MYO3B: variants seen among roughly 807,000 people sequenced by gnomAD.
MYO3B encodes myosin IIIB, also known as myosin-IIIb.
Under a neutral mutation model 174.6 loss-of-function variants are expected in MYO3B, and 156 were observed. The observed-to-expected ratio is 0.89, with a 90% confidence interval of 0.78 to 1.02. MYO3B has a LOEUF of 1.02. Among genes scored for constraint, MYO3B ranks in the 50% least tolerant of loss-of-function variants. The probability of loss-of-function intolerance (pLI) is 0.00; values close to 1 mark genes in which losing one functional copy is unlikely to be tolerated. For missense variants in MYO3B, 1,632 were observed against 1,639.4 expected (o/e 1.00, Z 0.08); for synonymous variants, 563 against 569.1 (o/e 0.99, Z 0.15).
At chr2:170,630,271 G>T (rs1334822746) in intron 32 of MYO3B, among the ~76,000 whole-genome samples, 1 of 152,204 alleles carries the variant, frequency 6.6e-6, no homozygotes, top group African/African-American at 2.4e-5. Context: ...ACTTGGCGCA[G>T]TGGGTCCCAC....
At chr2:170,252,492 T>C (rs368441410) in intron 7 of MYO3B, among the ~76,000 whole-genome samples, 1 of 152,210 alleles carries the variant, frequency 6.6e-6, no homozygotes, top group African/African-American at 2.4e-5. Flanking sequence ...GGACTATAAG[T>C]TGATGCTTGG....
At chr2:170,350,821 T>C (rs1228417169) in intron 8 of MYO3B, 3 of 152,184 alleles carry the variant, frequency 2.0e-5, no homozygotes, top group Admixed American at 6.5e-5. Flanking sequence ...AAAAATGATT[T>C]AGGATGGTAG....
At chr2:170,478,988 C>T (rs1419582408) in intron 25 of MYO3B, among the ~76,000 whole-genome samples, 1 of 149,484 alleles carries the variant, frequency 6.7e-6, no homozygotes, top group African/African-American at 2.5e-5. Context: ...AACCTATATA[C>T]AAATATATAT....
At chr2:170,268,406 G>C (rs2093400408) in intron 7 of MYO3B, among the ~76,000 whole-genome samples, 1 of 152,194 alleles carries the variant, frequency 6.6e-6, no homozygotes, top group Non-Finnish European at 1.5e-5. Context: ...TTGACCTAGA[G>C]AATCCAATTG....
At chr2:170,301,919 C>G (rs2093668420) in intron 7 of MYO3B, among the ~76,000 whole-genome samples, 1 of 131,216 alleles carries the variant, frequency 7.6e-6, no homozygotes, top group East Asian at 2.4e-4. Flanking sequence ...GATTTTCCTT[C>G]TCAGTCACTG....
chr2:170,393,348 T>C (rs923428618), intron 16 of MYO3B, among the ~76,000 whole-genome samples: 10 of 151,972 alleles, frequency 6.6e-5, no homozygotes. Context: ...CCTCCCAAAG[T>C]GCTGGGATTA....
chr2:170,272,524 A>G (rs900656570), intron 7 of MYO3B, among the ~76,000 whole-genome samples: 2 of 152,168 alleles, frequency 1.3e-5, no homozygotes, highest in African/African-American at 4.8e-5. Flanking sequence ...TTACTCACCC[A>G]CAAGGAGTAG....
intron 22 of MYO3B, among the ~76,000 whole-genome samples, chr2:170,440,796 T>TG (rs1237856926): frequency 2.1e-5 from 3 of 143,902 alleles, no homozygotes; most frequent in African/African-American, 7.9e-5. Flanking sequence ...TTTTGGGTGT[T>TG]GGTTTTTTTT....
intron 19 of MYO3B, among the ~76,000 whole-genome samples, chr2:170,403,308 G>A (rs910193085): frequency 3.5e-4 from 53 of 152,176 alleles, no homozygotes; most frequent in African/African-American, 1.1e-3. Flanking sequence ...TTATGATTGC[G>A]TTCAAAATGA....
At chr2:170,178,356 G>T in intron 1 of MYO3B, 67 bp downstream of exon 1, 1 of 1,605,786 alleles carries the variant, frequency 6.2e-7, no homozygotes. Context: ...TCTGCAAAGG[G>T]CAGATGCAGC....
chr2:170,222,148 A>G (rs1269363698), intron 6 of MYO3B, among the ~76,000 whole-genome samples: 1 of 152,190 alleles, frequency 6.6e-6, no homozygotes, highest in Non-Finnish European at 1.5e-5. Context: ...TGCAAGCTGC[A>G]TGGCTTCATT....
rs144992267 is a variant in MYO3B, at chr2:170,515,004, G to A, written c.3454G>A (p.Glu1152Lys). ...RGSAEVQDCS[E>K]PGDHKVLRGS... ...AAGTGCCGAGGTTCAAGACTGCAGC[G>A]AGCCTGGTGACCATAAAGGTAGAGT... Residue 1152 changes from glutamate to lysine, a missense_variant, in exon 29 of 35, where the codon GAG becomes AAG. Glu to Lys is a moderately conservative substitution (Grantham distance 56). Transcript: ENST00000408978. 1.1e-4 allele frequency: 178 copies of A among 1,613,890 alleles called. No homozygotes were observed. In the African/African-American group the frequency reaches 1.8e-3, roughly 16 times the overall value.
At chr2:170,559,198 T>C (rs1691548376) in intron 32 of MYO3B, among the ~76,000 whole-genome samples, 1 of 152,152 alleles carries the variant, frequency 6.6e-6, no homozygotes, top group Admixed American at 6.5e-5. Context: ...TAGGGAGACA[T>C]AGAGTCAGTA....
rs16858225 is a variant in MYO3B at position 170,361,638 on chromosome 2, A to C, written c.816-7584A>C. On this transcript the variant is annotated intron_variant, in intron 8 of 34. Transcript: ENST00000408978. ...CAACTCGGTCAGTATGCCTTCAGTG[A>C]CTTTTTCTTGGAGATACCTCTCTTT... Among the ~76,000 whole-genome samples, 317 of 152,326 alleles carry C rather than the reference A, an allele frequency of 2.1e-3. 1 individual carries two copies. Among genetic ancestry groups the C allele is most frequent in the African/African-American group, 7.4e-3 (307 of 41,576 alleles).
At chr2:170,238,274 A>G (rs1218475032) in intron 7 of MYO3B, among the ~76,000 whole-genome samples, 2 of 152,184 alleles carry the variant, frequency 1.3e-5, no homozygotes, top group Admixed American at 6.5e-5. Context: ...TTAAGCATTT[A>G]TGTATTTTAA....
intron 7 of MYO3B, among the ~76,000 whole-genome samples, chr2:170,317,422 T>G (rs1436731318): frequency 6.6e-6 from 1 of 152,100 alleles, no homozygotes; most frequent in East Asian, 1.9e-4. Context: ...TGGGACTCTT[T>G]GTGTTCACCA....
At chr2:170,225,878 G>C (rs2092946948) in intron 6 of MYO3B, among the ~76,000 whole-genome samples, 1 of 152,168 alleles carries the variant, frequency 6.6e-6, no homozygotes, top group African/African-American at 2.4e-5. Flanking sequence ...CGCAATAGGG[G>C]CTTCTAACAG....
chr2:170,303,588 A>C (rs191032537), intron 7 of MYO3B, among the ~76,000 whole-genome samples: 1 of 152,278 alleles, frequency 6.6e-6, no homozygotes, highest in East Asian at 1.9e-4. Flanking sequence ...TATTAAGCCT[A>C]GTACCCATTA....
At chr2:170,433,191 A>G (rs149232848) in intron 22 of MYO3B, among the ~76,000 whole-genome samples, 198 of 152,326 alleles carry the variant, frequency 1.3e-3, no homozygotes, top group Admixed American at 2.3e-3. Context: ...ATAGTATTCC[A>G]TACAGCAACA....
Sources: gnomAD v4.1 joint callset for allele counts (sites outside exome capture counted in the v4.1 genomes callset) on GRCh38, gnomAD v4.1.1 for gene constraint, MANE v1.5 for transcripts, NCBI Gene and HGNC (gene_info 2026-07-23, HGNC 2026-07-21) for gene names.